Variants in PPARGC1A observed in about 807,000 individuals in gnomAD.
PPARGC1A encodes PPARG coactivator 1 alpha, also known as peroxisome proliferator-activated receptor gamma coactivator 1-alpha.
Under a neutral mutation model 88.7 loss-of-function variants are expected in PPARGC1A, and 25 were observed. The observed-to-expected ratio is 0.28, with a 90% CI of 0.21 to 0.39. The LOEUF is 0.39. PPARGC1A is among the 10% of genes least tolerant of loss of function. The probability of loss-of-function intolerance (pLI) is 1.00; values close to 1 mark genes in which losing one functional copy is unlikely to be tolerated. For synonymous variants in PPARGC1A, 363 were observed against 355.6 expected, an observed-to-expected ratio of 1.02 and a Z score of -0.24; for missense variants, 880 against 968.7, an observed-to-expected ratio of 0.91 and a Z score of 1.22.
the PPARGC1A span, among the ~76,000 whole-genome samples, chr4:24,205,753 A>G: frequency 2.0e-5 from 3 of 147,850 alleles, no homozygotes; most frequent in East Asian, 6.5e-4. Flanking sequence ...ACCCATATAC[A>G]AAAAACTAAA....
At chr4:24,300,101 A>G in the PPARGC1A span, among the ~76,000 whole-genome samples, 1 of 152,184 alleles carries the variant, frequency 6.6e-6, no homozygotes, top group African/African-American at 2.4e-5. Flanking sequence ...AACAGCAAGA[A>G]GCAAAATTGA....
chr4:23,874,556 C>T (rs1714290388), intron 2 of PPARGC1A, among the ~76,000 whole-genome samples: 1 of 148,618 alleles, frequency 6.7e-6, no homozygotes, highest in Non-Finnish European at 1.5e-5. Context: ...CTTTTTTCCC[C>T]CTAAAAAAAA....
intron 2 of PPARGC1A, chr4:23,882,731 A>C (rs187323132): frequency 2.0e-5 from 3 of 152,306 alleles, no homozygotes; most frequent in African/African-American, 7.2e-5. Flanking sequence ...ACAGGGAGAC[A>C]AAAAGGGTGG....
chr4:24,131,504 A>G, the PPARGC1A span, among the ~76,000 whole-genome samples: 37 of 152,356 alleles, frequency 2.4e-4, no homozygotes, highest in Middle Eastern at 6.8e-3. Flanking sequence ...AAGATGGCAC[A>G]TACTGTAAGA....
intron 2 of PPARGC1A, among the ~76,000 whole-genome samples, chr4:23,841,495 GA>G (rs1334241626): frequency 2.0e-5 from 3 of 149,824 alleles, no homozygotes. Flanking sequence ...TTTTTTTTTA[GA>G]AAACACACTC....
the PPARGC1A span, among the ~76,000 whole-genome samples, chr4:24,314,509 C>A: frequency 6.6e-6 from 1 of 152,176 alleles, no homozygotes; most frequent in South Asian, 2.1e-4. Context: ...TGCTCTTGGA[C>A]TTCCTAGCCT....
At chr4:24,110,838 A>G in the PPARGC1A span, among the ~76,000 whole-genome samples, 2 of 152,198 alleles carry the variant, frequency 1.3e-5, no homozygotes, top group Non-Finnish European at 2.9e-5. Flanking sequence ...AGGGAAGCTG[A>G]AAAAGGCTCA....
chr4:23,997,727 G>A, the PPARGC1A span, among the ~76,000 whole-genome samples: 1 of 151,828 alleles, frequency 6.6e-6, no homozygotes, highest in African/African-American at 2.4e-5. Context: ...CCGAAGCTCA[G>A]GCAATCCACC....
the PPARGC1A span, among the ~76,000 whole-genome samples, chr4:24,370,783 C>CTTTTTTTTTTTTTTTTTTT: frequency 1.7e-4 from 11 of 64,448 alleles, no homozygotes; most frequent in African/African-American, 2.6e-4. Flanking sequence ...TTTTTTTTTA[C>CTTTTTTTTTTTTTTTTTTT]TTTAAGTTCT....
At chr4:24,249,159 G>A in the PPARGC1A span, among the ~76,000 whole-genome samples, 1 of 152,114 alleles carries the variant, frequency 6.6e-6, no homozygotes, top group Non-Finnish European at 1.5e-5. Flanking sequence ...GAGTGCAGAA[G>A]CCACCCTGCC....
chr4:24,245,917 A>G, the PPARGC1A span, among the ~76,000 whole-genome samples: 2 of 135,008 alleles, frequency 1.5e-5, no homozygotes, highest in Non-Finnish European at 3.1e-5. Context: ...TGTACCTGAA[A>G]GCCATGTGCA....
the PPARGC1A span, among the ~76,000 whole-genome samples, chr4:24,141,391 C>T: frequency 3.9e-5 from 6 of 152,216 alleles, no homozygotes; most frequent in Admixed American, 3.3e-4. Context: ...TCACCATCAT[C>T]AGCGTTGACT....
chr4:24,072,592 C>T, the PPARGC1A span, among the ~76,000 whole-genome samples: 7 of 152,002 alleles, frequency 4.6e-5, no homozygotes, highest in African/African-American at 1.7e-4. Context: ...AGATCAACAA[C>T]CCCCCAAAAT....
the PPARGC1A span, among the ~76,000 whole-genome samples, chr4:23,923,652 C>T: frequency 1.3e-5 from 2 of 152,126 alleles, no homozygotes; most frequent in African/African-American, 4.8e-5. Context: ...GGAATGTACC[C>T]TGATATGCAT....
At chr4:24,304,669 C>T in the PPARGC1A span, among the ~76,000 whole-genome samples, 1 of 152,110 alleles carries the variant, frequency 6.6e-6, no homozygotes, top group Non-Finnish European at 1.5e-5. Flanking sequence ...CTTGGATGAC[C>T]ACTTGTTTCA....
chr4:23,827,835 A>T (rs1724245819), intron 5 of PPARGC1A, among the ~76,000 whole-genome samples: 1 of 150,636 alleles, frequency 6.6e-6, no homozygotes, highest in Admixed American at 6.6e-5. Context: ...GAAGGAGTGG[A>T]AGAGGAAGAA....
intron 2 of PPARGC1A, among the ~76,000 whole-genome samples, chr4:23,877,302 G>A (rs1026090234): frequency 4.8e-5 from 7 of 144,502 alleles, no homozygotes; most frequent in African/African-American, 1.8e-4. Context: ...GAATCACGAG[G>A]TCAGGAGATT....
the PPARGC1A span, among the ~76,000 whole-genome samples, chr4:24,101,434 C>G: frequency 1.3e-5 from 2 of 152,248 alleles, no homozygotes; most frequent in Admixed American, 6.5e-5. Flanking sequence ...CAAGAATGGA[C>G]TAATATAACT....
At chr4:24,119,030 G>A in the PPARGC1A span, among the ~76,000 whole-genome samples, 4 of 152,208 alleles carry the variant, frequency 2.6e-5, no homozygotes, top group African/African-American at 9.6e-5. Flanking sequence ...GCATCACCTT[G>A]TACAGTCAAT....
Sources: allele counts gnomAD v4.1 joint callset (sites outside exome capture counted in the v4.1 genomes callset), GRCh38; gene constraint gnomAD v4.1.1; transcripts MANE v1.5; gene names NCBI Gene and HGNC (gene_info 2026-07-23, HGNC 2026-07-21).